The following STXBP5 variants were observed in gnomAD, a reference collection of about 807,000 sequenced individuals.
The protein encoded by STXBP5 is syntaxin-binding protein 5.
Under a neutral mutation model 152.4 loss-of-function variants are expected in STXBP5, and 50 were observed. The ratio of observed to expected loss-of-function variants is 0.33; its 90% CI spans 0.26 to 0.42. The LOEUF (loss-of-function observed/expected upper bound fraction) is 0.42, where lower values mean the gene tolerates loss of function less well. STXBP5 is among the 10% of genes least tolerant of loss of function. The pLI, the probability that STXBP5 is intolerant of heterozygous loss-of-function variation, is 1.00. For missense variants in STXBP5, 1,167 were observed against 1,388.6 expected (o/e 0.84, Z 2.54); for synonymous variants, 492 against 494.7 (o/e 0.99, Z 0.07).
At chr6:147,310,486 TAGTA>T (rs1259613811) in intron 10 of STXBP5, among the ~76,000 whole-genome samples, 2 of 152,054 alleles carry the variant, frequency 1.3e-5, no homozygotes, top group Non-Finnish European at 2.9e-5. Flanking sequence ...AGTAATGTAT[TAGTA>T]AGGATTCTCC....
chr6:147,210,613 G>C (rs558511055), intron 2 of STXBP5, among the ~76,000 whole-genome samples: 1 of 152,236 alleles, frequency 6.6e-6, no homozygotes, highest in South Asian at 2.1e-4. Context: ...TGCCTCCCCT[G>C]TCAGTGTGGC....
Position 147,324,263 on chromosome 6 carries a change from G to GTTTTTTTTTTTTT in STXBP5, c.1803-696_1803-695insTTTTTTTTTTTTT, listed in dbSNP as rs764684701. On this transcript the variant is annotated intron_variant, in intron 16 of 27. Transcript: ENST00000321680. ...TTTAAGTTTTGTGGGGTTTTTTTTT[G>GTTTTTTTTTTTTT]GTTTTTTTTTTTTTTTTTTTTTTTT... 2.5e-3 allele frequency among the ~76,000 whole-genome samples: 213 copies of GTTTTTTTTTTTTT among 84,980 alleles called. 15 individuals carry two copies. Among genetic ancestry groups the GTTTTTTTTTTTTT allele is most frequent in the South Asian group, 3.0e-3 (7 of 2,326 alleles). The allele number at this position is 84,980 out of a possible 152,430, so 55.8% of individuals were successfully genotyped here. A position where few individuals can be genotyped will look rare whatever the true frequency, so the allele number is the denominator to read the frequency against.
rs114632946 is a variant in STXBP5 at position 147,352,621 on chromosome 6, A to G, written c.2255-702A>G. ...TGAGAATTCGCCTCAATTTAAAAAA[A>G]AGAAGAATGAACCCAGTAGCTATGA... On this transcript the variant is annotated intron_variant, in intron 21 of 27. Coordinates refer to ENST00000321680, the MANE Select transcript of STXBP5 (RefSeq NM_001127715.4). 8.3e-3 allele frequency among the ~76,000 whole-genome samples: 1,265 copies of G among 151,716 alleles called. 22 individuals carry two copies. Among genetic ancestry groups the G allele is most frequent in the African/African-American group, 0.03 (1,215 of 41,026 alleles).
chr6:147,254,116 A>C (rs1239067495), intron 4 of STXBP5, among the ~76,000 whole-genome samples: 3 of 152,154 alleles, frequency 2.0e-5, no homozygotes, highest in South Asian at 4.1e-4. Context: ...ATGTAACAGA[A>C]CAGAGGCCTC....
At chr6:147,249,188 T>A (rs548403454) in intron 4 of STXBP5, among the ~76,000 whole-genome samples, 1 of 152,112 alleles carries the variant, frequency 6.6e-6, no homozygotes, top group African/African-American at 2.4e-5. Flanking sequence ...ACCTCTAACC[T>A]ACAGAAATAA....
rs563476745 is a variant in STXBP5 at position 147,248,503 on chromosome 6, A to G, written c.431+9233A>G. On this transcript the variant is annotated intron_variant, in intron 4 of 27. Coordinates refer to ENST00000321680, the MANE Select transcript of STXBP5 (RefSeq NM_001127715.4). ...TCATCAGGAAAATGCAGACTAAAAC[A>G]ACAACTACTCATCAGAATGGCTAAA... is the stretch of plus-strand genomic sequence containing the variant. 3.3e-5 allele frequency among the ~76,000 whole-genome samples: 5 copies of G among 152,210 alleles called. No individual in the cohort carries two copies. In the East Asian group the frequency reaches 7.8e-4, roughly 24 times the overall value.
rs764996211 is a variant in STXBP5, at chr6:147,204,532, C to T, written c.-1C>T. ...GGCTGCGGGGGAGCCCCTCCGAGAC[C>T]ATGAGGAAATTCAACATCAGGAAGG... On this transcript the variant is annotated 5_prime_UTR_variant, in exon 1 of 28. Transcript: ENST00000321680. This position sits in a 1 kb window ranked among gnomAD's most constrained non-coding sequence, Gnocchi z 4.3. The T allele has an allele frequency of 6.2e-6, 10 of 1,611,830 alleles. No homozygotes were observed. The Admixed American group carries it at 1.7e-4, about 27-fold the overall frequency.
In STXBP5 at chr6:147,311,526, G is replaced by A. The variant is rs972043541; in HGVS notation, c.1144G>A (p.Gly382Arg). The A allele has an allele frequency of 6.2e-7, 1 of 1,608,608 alleles. No individual in the cohort carries two copies. Among genetic ancestry groups the A allele is most frequent in the Non-Finnish European group, 8.5e-7 (1 of 1,177,104 alleles). ...AGTACTTATAGACCTTGCACAAAAT[G>A]GGTAAGAAATAAAATTTGGTGAGTG... ...DLVLIDLAQN[G>R]YPIFENPYPL... The change falls in exon 11 of 28, where the codon GGA becomes AGA. Residue 382 changes from glycine (G) to arginine (R), a missense_variant and splice_region_variant. Gly to Arg is a moderately radical substitution (Grantham distance 125, BLOSUM62 -2). Coordinates refer to ENST00000321680, the MANE Select transcript of STXBP5 (RefSeq NM_001127715.4).
At chr6:147,349,324 C>T (rs942911726) in intron 21 of STXBP5, among the ~76,000 whole-genome samples, 26 of 152,226 alleles carry the variant, frequency 1.7e-4, no homozygotes, top group African/African-American at 5.8e-4. Flanking sequence ...TGGTTATTCC[C>T]GGAAATGGGA....
intron 18 of STXBP5, chr6:147,328,868 G>C (rs1005823213): frequency 4.6e-6 from 2 of 438,038 alleles, no homozygotes; most frequent in Non-Finnish European, 9.2e-6. Flanking sequence ...TTATTAAAAC[G>C]TTCTATGTCT....
intron 14 of STXBP5, 131 bp from the exon 15 acceptor site, chr6:147,315,384 T>C: frequency 1.7e-6 from 1 of 602,658 alleles, no homozygotes; most frequent in East Asian, 2.8e-5. Context: ...TAGACTAACG[T>C]AAATTGAGAA....
intron 6 of STXBP5, 110 bp downstream of exon 6, chr6:147,262,463 G>A: frequency 3.2e-6 from 2 of 615,752 alleles, no homozygotes; most frequent in Non-Finnish European, 5.5e-6. Flanking sequence ...ACCATTGAAG[G>A]TTGTGTATCA....
At chr6:147,342,913 A>C (rs978546758) in intron 21 of STXBP5, among the ~76,000 whole-genome samples, 2 of 152,114 alleles carry the variant, frequency 1.3e-5, no homozygotes, top group African/African-American at 4.8e-5. Context: ...TTTCATGCTA[A>C]AAGTAGATTT....
intron 7 of STXBP5, among the ~76,000 whole-genome samples, chr6:147,271,785 A>G (rs1416836514): frequency 1.3e-5 from 2 of 152,168 alleles, no homozygotes; most frequent in African/African-American, 4.8e-5. Context: ...AAGAGCCGAA[A>G]TCAATGAAAT....
At chr6:147,378,676 A>G (rs1785929510) in intron 26 of STXBP5, among the ~76,000 whole-genome samples, 1 of 152,080 alleles carries the variant, frequency 6.6e-6, no homozygotes, top group Admixed American at 6.6e-5. Context: ...ATATGATGAC[A>G]TATTTAGAAG....
In STXBP5 at chr6:147,371,881, T is replaced by C. The variant is rs576033095; in HGVS notation, c.3082-1850T>C. Among the ~76,000 whole-genome samples the C allele has an allele frequency of 2.6e-5, 4 of 152,294 alleles. No individual in the cohort carries two copies. In the East Asian group the frequency reaches 7.7e-4, roughly 29 times the overall value. ...TAGCATGAGACACCCAAATGATAGC[T>C]GTGTTGCTGTTATTGATCTTTTTTA... On this transcript the variant is annotated intron_variant, in intron 25 of 27. Transcript: ENST00000321680.
intron 8 of STXBP5, among the ~76,000 whole-genome samples, chr6:147,282,720 T>C (rs907890910): frequency 2.6e-5 from 4 of 152,152 alleles, no homozygotes; most frequent in African/African-American, 9.7e-5. Context: ...TTGGCATGGC[T>C]CAGATTCTTA....
intron 16 of STXBP5, among the ~76,000 whole-genome samples, chr6:147,317,618 G>A (rs1042989865): frequency 6.6e-6 from 1 of 152,126 alleles, no homozygotes; most frequent in Non-Finnish European, 1.5e-5. Context: ...GAGAACCTCT[G>A]ATCCAAACAG....
intron 25 of STXBP5, 86 bp from the exon 26 acceptor site, chr6:147,373,645 G>A (rs1785670098): frequency 1.1e-6 from 1 of 897,904 alleles, no homozygotes; most frequent in East Asian, 2.5e-5. Flanking sequence ...CTGAGCTTAA[G>A]TTAAGGAGTT....
Sources: allele counts gnomAD v4.1 joint callset (sites outside exome capture counted in the v4.1 genomes callset), GRCh38; gene constraint gnomAD v4.1.1; non-coding constraint Gnocchi (gnomAD v3.1); transcripts MANE v1.5; gene names NCBI Gene and HGNC (gene_info 2026-07-23, HGNC 2026-07-21).